CDK14: variants seen among roughly 807,000 people sequenced by gnomAD.
CDK14 encodes the protein cyclin dependent kinase 14, also known as cyclin-dependent kinase 14.
A neutral mutation model predicts 60.7 loss-of-function variants in CDK14; 34 were observed. The ratio of observed to expected loss-of-function variants is 0.56; its 90% CI spans 0.43 to 0.75. The LOEUF is 0.75. CDK14 is among the 30% of genes least tolerant of loss of function. The probability of loss-of-function intolerance (pLI) is 0.00; values close to 1 mark genes in which losing one functional copy is unlikely to be tolerated. For synonymous variants in CDK14, 197 were observed against 203.7 expected (o/e 0.97, Z 0.28); for missense variants, 482 against 564.1 (o/e 0.85, Z 1.47).
chr7:91,164,950 C>CCA (rs1801301162), intron 14 of CDK14, among the ~76,000 whole-genome samples: 1 of 152,118 alleles, frequency 6.6e-6, no homozygotes, highest in African/African-American at 2.4e-5. Context: ...CACTAACTTG[C>CCA]CACAGATACA....
chr7:90,753,735 A>G (rs1803942147), intron 4 of CDK14, among the ~76,000 whole-genome samples: 3 of 152,026 alleles, frequency 2.0e-5, no homozygotes, highest in African/African-American at 4.8e-5. Flanking sequence ...CAGAGTCTAA[A>G]GAGTCCGCCA....
chr7:90,659,044 C>G (rs1373113950), intron 2 of CDK14, among the ~76,000 whole-genome samples: 1 of 152,156 alleles, frequency 6.6e-6, no homozygotes, highest in African/African-American at 2.4e-5. Flanking sequence ...TAAAAAATGA[C>G]TAATACTTGT....
chr7:90,906,221 TATTA>T lies in CDK14; in HGVS notation c.702+6872_702+6875del, dbSNP rs148119684. On this transcript the variant is annotated intron_variant, in intron 7 of 14. Transcript: ENST00000380050. Reference sequence around the variant, plus strand: ...CAGCTGTTCATAATGCTGTGCTAGATATTAATTGTTTTTAAAGTTGATCTTCACA... The same window carrying T: ...CAGCTGTTCATAATGCTGTGCTAGATATTGTTTTTAAAGTTGATCTTCACA... Among the ~76,000 whole-genome samples the T allele has an allele frequency of 9.9e-3, 1,504 of 152,274 alleles. 25 individuals are homozygous for T. Among genetic ancestry groups the T allele is most frequent in the African/African-American group, 0.033 (1,382 of 41,570 alleles).
chr7:91,045,855 G>A (rs1199877204), intron 10 of CDK14, 42 bp from the exon 11 acceptor site: 2 of 1,305,680 alleles, frequency 1.5e-6, no homozygotes, highest in Non-Finnish European at 2.2e-6. Context: ...GAGTGCTTTG[G>A]AAATAATAAG....
chr7:90,977,126 A>G lies in CDK14; in HGVS notation c.948-7022A>G, dbSNP rs76024678. ...GATTTTGTCTAAGGTGAAGCGTGGG[A>G]ATCTAGTTTTGTTCTTCCGGATAAG... On this transcript the variant is annotated intron_variant, in intron 9 of 14. Coordinates refer to ENST00000380050, the MANE Select transcript of CDK14 (RefSeq NM_001287135.2). Among the ~76,000 whole-genome samples the G allele has an allele frequency of 6.8e-3, 1,039 of 152,142 alleles. 16 individuals are homozygous for G. Among genetic ancestry groups the G allele is most frequent in the African/African-American group, 0.023 (959 of 41,496 alleles).
At chr7:90,724,112 A>G (rs1802548879) in intron 2 of CDK14, among the ~76,000 whole-genome samples, 1 of 152,002 alleles carries the variant, frequency 6.6e-6, no homozygotes, top group Non-Finnish European at 1.5e-5. Context: ...AATTCCTGTC[A>G]TAGACACAGG....
chr7:90,837,358 G>T (rs1466652478), intron 5 of CDK14, among the ~76,000 whole-genome samples: 3 of 151,016 alleles, frequency 2.0e-5, no homozygotes, highest in Non-Finnish European at 4.4e-5. Context: ...TACAATCTCG[G>T]CTCACTGCAA....
chr7:91,035,959 T>A (rs1796920815), intron 10 of CDK14, among the ~76,000 whole-genome samples: 1 of 147,922 alleles, frequency 6.8e-6, no homozygotes, highest in African/African-American at 2.5e-5. Context: ...TTCTCCTGCC[T>A]CAGCCTCCCG....
chr7:90,604,837 A>G (rs1799384630), intron 2 of CDK14, among the ~76,000 whole-genome samples: 1 of 152,278 alleles, frequency 6.6e-6, no homozygotes, highest in African/African-American at 2.4e-5. Context: ...AATTGCAGTC[A>G]TTCCTGAATT....
At chr7:90,972,570 A>G (rs889031355) in intron 9 of CDK14, among the ~76,000 whole-genome samples, 4 of 152,244 alleles carry the variant, frequency 2.6e-5, no homozygotes, top group Admixed American at 1.3e-4. Context: ...AAATAGTTCT[A>G]GCTTTAATTG....
At chr7:90,778,728 A>G (rs1182103134) in intron 4 of CDK14, among the ~76,000 whole-genome samples, 1 of 150,982 alleles carries the variant, frequency 6.6e-6, no homozygotes, top group South Asian at 2.1e-4. Context: ...AACACATCAC[A>G]TTCTCACCCT....
At position 90,869,521 on chromosome 7, in the gene CDK14, C is replaced by T. The variant is rs538839281; in HGVS notation, c.639+6252C>T. Among the ~76,000 whole-genome samples, 27 of 152,254 alleles carry T rather than the reference C, an allele frequency of 1.8e-4. 1 individual carries two copies. The South Asian group carries it at 5.6e-3, about 32-fold the overall frequency. ...CTTTGACTCAGAATGAGATGGGAAG[C>T]CTCCAAAGGGTGTTGAGCAGAGAAA... is the stretch of plus-strand genomic sequence containing the variant. On this transcript the variant is annotated intron_variant, in intron 6 of 14. Coordinates refer to ENST00000380050, the MANE Select transcript of CDK14 (RefSeq NM_001287135.2).
Position 90,917,734 on chromosome 7 carries a change from C to A in CDK14, c.826+10C>A. ...AAGCTGGCAGATTTCGGTAGGAAAG[C>A]AGTTAATTACCAGTCTATTTTGTCA... On this transcript the variant is annotated intron_variant, in intron 8 of 14. Coordinates refer to ENST00000380050, the MANE Select transcript of CDK14 (RefSeq NM_001287135.2). 6.2e-7 allele frequency: 1 copy of A among 1,611,754 alleles called. No homozygotes were observed.
At chr7:90,605,011 A>T (rs1395709876) in intron 2 of CDK14, among the ~76,000 whole-genome samples, 1 of 152,206 alleles carries the variant, frequency 6.6e-6, no homozygotes, top group Non-Finnish European at 1.5e-5. Flanking sequence ...TTTATATAGG[A>T]ACATGGGTGT....
chr7:91,125,046 G>T (rs1799900913), intron 14 of CDK14, among the ~76,000 whole-genome samples: 1 of 152,278 alleles, frequency 6.6e-6, no homozygotes, highest in South Asian at 2.1e-4. Context: ...AAAGGAGGCT[G>T]TTTGAGTTGA....
chr7:90,825,803 G>A (rs375020530), intron 5 of CDK14, among the ~76,000 whole-genome samples: 3 of 152,114 alleles, frequency 2.0e-5, no homozygotes, highest in East Asian at 1.9e-4. Flanking sequence ...CTGTATCGTA[G>A]ATCTACTTAT....
chr7:90,760,137 C>T (rs184971665), intron 4 of CDK14, among the ~76,000 whole-genome samples: 1 of 152,120 alleles, frequency 6.6e-6, no homozygotes, highest in South Asian at 2.1e-4. Flanking sequence ...AATTGAGAGA[C>T]TACACCAAAC....
intron 7 of CDK14, among the ~76,000 whole-genome samples, chr7:90,916,711 G>C (rs1793095042): frequency 6.6e-6 from 1 of 152,152 alleles, no homozygotes; most frequent in African/African-American, 2.4e-5. Flanking sequence ...TTAGGAGATT[G>C]ATTTTAAAAA....
chr7:90,787,933 T>C (rs976633428), intron 4 of CDK14, among the ~76,000 whole-genome samples: 2 of 152,174 alleles, frequency 1.3e-5, no homozygotes, highest in African/African-American at 4.8e-5. Context: ...TTAGGGGGAA[T>C]CCATCTTTAG....
Sources: gnomAD v4.1 joint callset for allele counts (sites outside exome capture counted in the v4.1 genomes callset) on GRCh38, gnomAD v4.1.1 for gene constraint, MANE v1.5 for transcripts, NCBI Gene and HGNC (gene_info 2026-07-23, HGNC 2026-07-21) for gene names.